The following KHDRBS2 variants were observed in gnomAD, a reference collection of about 807,000 sequenced individuals.
KHDRBS2 encodes KH domain-containing, RNA-binding, signal transduction-associated protein 2.
In KHDRBS2, 26 loss-of-function variants were observed where a neutral mutation model predicts 44.3. That is an observed-to-expected ratio of 0.59 (90% CI 0.43 to 0.81). KHDRBS2 has a LOEUF of 0.81. Among genes scored for constraint, KHDRBS2 ranks in the 40% least tolerant of loss-of-function variants. KHDRBS2 has a pLI of 0.00. For missense variants in KHDRBS2, 476 were observed against 433.1 expected (o/e 1.10, Z -0.88); for synonymous variants, 194 against 151.1 (o/e 1.28, Z -2.08).
At chr6:61,944,430 C>T (rs1430190164) in intron 4 of KHDRBS2, among the ~76,000 whole-genome samples, 1 of 151,008 alleles carries the variant, frequency 6.6e-6, no homozygotes, top group Non-Finnish European at 1.5e-5. Context: ...CATTTGCATG[C>T]ATATGTGCAA....
intron 7 of KHDRBS2, among the ~76,000 whole-genome samples, chr6:61,728,993 A>G (rs1774014573): frequency 6.6e-6 from 1 of 152,130 alleles, no homozygotes; most frequent in African/African-American, 2.4e-5. Flanking sequence ...ACCAAAAGGA[A>G]TATAAATCAT....
chr6:62,183,491 C>A (rs375425467), intron 1 of KHDRBS2, among the ~76,000 whole-genome samples: 1 of 151,448 alleles, frequency 6.6e-6, no homozygotes, highest in African/African-American at 2.4e-5. Context: ...GGGTGAATTA[C>A]ATGGTCTTCC....
intron 2 of KHDRBS2, among the ~76,000 whole-genome samples, chr6:62,140,181 G>C (rs1466536153): frequency 1.3e-5 from 2 of 151,980 alleles, no homozygotes; most frequent in Admixed American, 6.6e-5. Context: ...TCTTTTAAAA[G>C]ATTCAATATT....
chr6:62,166,253 C>T (rs566495533), intron 2 of KHDRBS2, among the ~76,000 whole-genome samples: 31 of 151,986 alleles, frequency 2.0e-4, no homozygotes, highest in Middle Eastern at 6.8e-3. Flanking sequence ...TTTTATCTTT[C>T]GGCTATTGTG....
At chr6:61,848,490 T>TATATATATATATATAC (rs1491335256) in intron 6 of KHDRBS2, among the ~76,000 whole-genome samples, 3 of 32,176 alleles carry the variant, frequency 9.3e-5, no homozygotes, top group African/African-American at 2.1e-4. Context: ...TATATATATA[T>TATATATATATATATAC]GTATATATAT....
At chr6:61,661,113 G>A in the KHDRBS2 span, among the ~76,000 whole-genome samples, 1 of 151,806 alleles carries the variant, frequency 6.6e-6, no homozygotes, top group Non-Finnish European at 1.5e-5. Context: ...AACTAAAAGA[G>A]TTTCTCACTG....
chr6:61,882,996 G>A (rs1261382180), intron 6 of KHDRBS2, among the ~76,000 whole-genome samples: 4 of 151,936 alleles, frequency 2.6e-5, no homozygotes, highest in African/African-American at 7.2e-5. Context: ...ACCCAATATA[G>A]GGTGTTAATT....
chr6:61,675,959 T>C (rs78436358), downstream of KHDRBS2, among the ~76,000 whole-genome samples: 1,576 of 151,894 alleles, frequency 0.01, 9 homozygotes, highest in South Asian at 0.021. Flanking sequence ...TAAAATGCCA[T>C]GCAAGTTTGT....
chr6:62,200,115 C>A (rs2150137517), intron 1 of KHDRBS2, among the ~76,000 whole-genome samples: 1 of 152,160 alleles, frequency 6.6e-6, no homozygotes, highest in Admixed American at 6.5e-5. Flanking sequence ...CATGTTAGAC[C>A]TAAAACCATA....
chr6:61,604,494 C>T, the KHDRBS2 span, among the ~76,000 whole-genome samples: 2 of 152,222 alleles, frequency 1.3e-5, no homozygotes, highest in Non-Finnish European at 2.9e-5. Flanking sequence ...TATCTCCTTC[C>T]AGCCTCACAG....
intron 1 of KHDRBS2, among the ~76,000 whole-genome samples, chr6:62,275,253 T>C (rs1195516944): frequency 6.6e-6 from 1 of 152,152 alleles, no homozygotes; most frequent in Non-Finnish European, 1.5e-5. Flanking sequence ...CTGAAGTCCA[T>C]TCCAAAGCAA....
At chr6:62,049,122 C>T (rs1308259251) in intron 2 of KHDRBS2, among the ~76,000 whole-genome samples, 8 of 151,552 alleles carry the variant, frequency 5.3e-5, no homozygotes, top group Non-Finnish European at 1.0e-4. Context: ...AATTTTTTTA[C>T]TGGAGTATGG....
chr6:62,179,256 C>T (rs188205332), intron 1 of KHDRBS2, among the ~76,000 whole-genome samples: 3 of 151,714 alleles, frequency 2.0e-5, no homozygotes, highest in South Asian at 2.1e-4. Flanking sequence ...TTATCAGTTA[C>T]ACGGTACAAT....
chr6:62,273,394 A>G (rs573200467), intron 1 of KHDRBS2, among the ~76,000 whole-genome samples: 1 of 152,274 alleles, frequency 6.6e-6, no homozygotes, highest in African/African-American at 2.4e-5. Flanking sequence ...CAAATCCATT[A>G]GAGGCCCTTA....
chr6:61,579,292 G>T, the KHDRBS2 span, among the ~76,000 whole-genome samples: 2 of 152,124 alleles, frequency 1.3e-5, no homozygotes, highest in South Asian at 4.1e-4. Context: ...GTCTGGAAAT[G>T]CTGGTATCTT....
chr6:62,088,810 C>G (rs531029529), intron 2 of KHDRBS2, among the ~76,000 whole-genome samples: 12 of 152,252 alleles, frequency 7.9e-5, no homozygotes, highest in African/African-American at 2.9e-4. Context: ...TCTGCTGAAG[C>G]TGCGACCGTA....
intron 8 of KHDRBS2, among the ~76,000 whole-genome samples, chr6:61,682,240 A>T (rs1050029197): frequency 1.3e-5 from 2 of 151,938 alleles, no homozygotes; most frequent in African/African-American, 2.4e-5. Flanking sequence ...ACTATGTAGA[A>T]AAATGATCAA....
chr6:62,067,985 T>C (rs1411270488), intron 2 of KHDRBS2, among the ~76,000 whole-genome samples: 2 of 151,608 alleles, frequency 1.3e-5, no homozygotes. Context: ...GTGGCTATTA[T>C]AATAATGTTG....
intron 2 of KHDRBS2, among the ~76,000 whole-genome samples, chr6:62,083,180 AGAG>A (rs1450789901): frequency 2.3e-5 from 1 of 43,376 alleles, no homozygotes; most frequent in Admixed American, 2.2e-4. Flanking sequence ...GGGAGAGGGC[AGAG>A]CATCACAGCA....
Sources: gnomAD v4.1 joint callset for allele counts (sites outside exome capture counted in the v4.1 genomes callset) on GRCh38, gnomAD v4.1.1 for gene constraint, MANE v1.5 for transcripts, NCBI Gene and HGNC (gene_info 2026-07-23, HGNC 2026-07-21) for gene names.